CPXM2: variants seen among roughly 807,000 people sequenced by gnomAD.
CPXM2 encodes carboxypeptidase X, M14 family member 2.
A neutral mutation model predicts 86.1 loss-of-function variants in CPXM2; 66 were observed. The ratio of observed to expected loss-of-function variants is 0.77; its 90% CI spans 0.63 to 0.94. CPXM2 has a LOEUF of 0.94. Ranked by LOEUF, CPXM2 falls within the 40% of genes least tolerant of loss-of-function variation. The pLI is 0.00. For missense variants in CPXM2, 948 were observed against 1,026.3 expected, an observed-to-expected ratio of 0.92 and a Z score of 1.04; for synonymous variants, 388 against 400.2, an observed-to-expected ratio of 0.97 and a Z score of 0.36.
chr10:123,866,137 C>T (rs1848974815), intron 2 of CPXM2, among the ~76,000 whole-genome samples: 1 of 152,180 alleles, frequency 6.6e-6, no homozygotes, highest in African/African-American at 2.4e-5. Context: ...AGCACGGGCT[C>T]ATCACCCTCA....
At chr10:123,786,120 C>T (rs1914525) in intron 6 of CPXM2, among the ~76,000 whole-genome samples, 32,558 of 152,204 alleles carry the variant, frequency 0.21, 4,700 homozygotes, top group African/African-American at 0.42. Context: ...CCAATGCCCA[C>T]TGATTTATGC....
At chr10:123,752,656 G>A in intron 13 of CPXM2, 9 of 981,030 alleles carry the variant, frequency 9.2e-6, no homozygotes, top group Non-Finnish European at 1.1e-5. Context: ...CAGAGAAGGA[G>A]CCTCTCCTCC....
intron 2 of CPXM2, among the ~76,000 whole-genome samples, chr10:123,929,980 C>T (rs1471777738): frequency 3.3e-5 from 5 of 152,222 alleles, no homozygotes; most frequent in African/African-American, 9.6e-5. Context: ...CCACCACCTC[C>T]CCTCCCAGGC....
intron 2 of CPXM2, among the ~76,000 whole-genome samples, chr10:123,910,793 T>A (rs79200117): frequency 0.047 from 7,158 of 152,234 alleles, 215 homozygotes; most frequent in East Asian, 0.12. Flanking sequence ...AAGGCCAGAA[T>A]TCTGAGATCC....
In CPXM2 at chr10:123,798,099, T is replaced by C; in HGVS notation, c.766A>G (p.Ile256Val). 3 of 1,609,504 alleles carry C rather than the reference T, an allele frequency of 1.9e-6. No homozygotes were observed. The highest frequency in any genetic ancestry group is 2.5e-6 in the Non-Finnish European group (3 of 1,177,768). Reference protein sequence around the residue: ...MIFEGNSEKEIPVLNELPVPM... With the variant: ...MIFEGNSEKEVPVLNELPVPM... ...ACGGGTAGCTCATTGAGAACAGGGA[T>C]CTCCTTCTCACTGTTTCCCTCAAAT... Residue 256 changes from isoleucine to valine, a missense_variant, in exon 6 of 14, where the codon ATC (isoleucine) becomes GTC (valine). Ile to Val is a conservative substitution (Grantham distance 29). Coordinates refer to ENST00000241305, the MANE Select transcript of CPXM2 (RefSeq NM_198148.3).
At chr10:123,897,917 C>G (rs1475588718) in intron 2 of CPXM2, among the ~76,000 whole-genome samples, 2 of 152,242 alleles carry the variant, frequency 1.3e-5, no homozygotes, top group African/African-American at 4.8e-5. Context: ...AGGCATCCCT[C>G]TTTCTATCCT....
At chr10:123,767,270 C>A in intron 9 of CPXM2, 118 bp from the exon 10 acceptor site, 1 of 847,428 alleles carries the variant, frequency 1.2e-6, no homozygotes, top group South Asian at 1.8e-5. Context: ...CCTCTAGATG[C>A]CCTTTGACCC....
chr10:123,858,937 G>C (rs528704630), intron 3 of CPXM2, among the ~76,000 whole-genome samples: 6 of 152,338 alleles, frequency 3.9e-5, no homozygotes, highest in African/African-American at 1.4e-4. Context: ...CGGAGGAAGA[G>C]CCAGCGGTGG....
Position 123,885,364 on chromosome 10 carries a change from C to T in CPXM2, c.305-5055G>A, listed in dbSNP as rs1590101413. 1.3e-5 allele frequency among the ~76,000 whole-genome samples: 2 copies of T among 152,246 alleles called. No homozygotes were observed. The highest frequency in any genetic ancestry group is 1.9e-4 in the East Asian group (1 of 5,174). ...GCTCGGGTTATTAATTGTTCCCATG[C>T]CATCGTGAGGAACTGATGCTTGGAG... On this transcript the variant is annotated intron_variant, in intron 1 of 13. Transcript: ENST00000241305. This position sits in a 1 kb window ranked among gnomAD's most constrained non-coding sequence, Gnocchi z 4.0.
chr10:123,796,745 A>G (rs55665567), intron 6 of CPXM2, among the ~76,000 whole-genome samples: 20,202 of 152,274 alleles, frequency 0.13, 2,053 homozygotes, highest in African/African-American at 0.3. Flanking sequence ...GCAGTGCTGG[A>G]AGGGACTACG....
intron 4 of CPXM2, among the ~76,000 whole-genome samples, chr10:123,808,261 A>G (rs1847621078): frequency 6.6e-6 from 1 of 152,196 alleles, no homozygotes; most frequent in Non-Finnish European, 1.5e-5. Flanking sequence ...AGAGCCTTCT[A>G]CTAGTGTACA....
intron 2 of CPXM2, among the ~76,000 whole-genome samples, chr10:123,922,354 A>G (rs1945585361): frequency 6.6e-6 from 1 of 152,260 alleles, no homozygotes; most frequent in East Asian, 1.9e-4. Flanking sequence ...GCCTAAGGGA[A>G]TAAGGGCAAA....
intron 6 of CPXM2, among the ~76,000 whole-genome samples, chr10:123,790,469 C>T (rs112179974): frequency 2.0e-5 from 3 of 152,150 alleles, no homozygotes; most frequent in Admixed American, 6.5e-5. Context: ...AAACTAGGGG[C>T]GAGGGAGCAA....
At chr10:123,828,066 G>A (rs931208985) in intron 4 of CPXM2, among the ~76,000 whole-genome samples, 5 of 152,134 alleles carry the variant, frequency 3.3e-5, no homozygotes, top group Admixed American at 1.3e-4. Flanking sequence ...TGCTTCTCGG[G>A]AGGCTGAGTC....
intron 5 of CPXM2, 126 bp downstream of exon 5, chr10:123,798,989 G>T: frequency 9.8e-7 from 1 of 1,022,488 alleles, no homozygotes; most frequent in Non-Finnish European, 1.5e-6. Flanking sequence ...CCATCAGACT[G>T]TAGTGGTAGG....
chr10:123,924,932 C>T (rs1268639472), intron 2 of CPXM2, among the ~76,000 whole-genome samples: 1 of 151,606 alleles, frequency 6.6e-6, no homozygotes, highest in East Asian at 1.9e-4. Flanking sequence ...CCTAGAACAC[C>T]TTATTGACGA....
intron 3 of CPXM2, among the ~76,000 whole-genome samples, chr10:123,844,566 G>A (rs777693800): frequency 6.6e-6 from 1 of 152,000 alleles, no homozygotes; most frequent in Non-Finnish European, 1.5e-5. Flanking sequence ...CAATCTAAGA[G>A]GATTTTTCTG....
At chr10:123,777,603 C>T (rs1846824843) in intron 7 of CPXM2, 1 of 153,674 alleles carries the variant, frequency 6.5e-6, no homozygotes. Flanking sequence ...CAGCCTCCTC[C>T]TAGCTGCCTG....
chr10:123,775,319 C>G (rs1349767041), intron 7 of CPXM2, among the ~76,000 whole-genome samples: 1 of 152,216 alleles, frequency 6.6e-6, no homozygotes, highest in African/African-American at 2.4e-5. Context: ...TTAGCAAATC[C>G]TAACTGGCAG....
Sources: allele counts gnomAD v4.1 joint callset (sites outside exome capture counted in the v4.1 genomes callset), GRCh38; gene constraint gnomAD v4.1.1; non-coding constraint Gnocchi (gnomAD v3.1); transcripts MANE v1.5; gene names NCBI Gene and HGNC (gene_info 2026-07-23, HGNC 2026-07-21).